Variants in OSR1 observed in about 807,000 individuals in gnomAD.
OSR1 encodes the protein odd-skipped related transcription factor 1, also known as protein odd-skipped-related 1.
Under a neutral mutation model 15.7 loss-of-function variants are expected in OSR1, and 3 were observed. The observed-to-expected ratio is 0.19, with a 90% confidence interval of 0.09 to 0.50. The LOEUF (loss-of-function observed/expected upper bound fraction) is 0.50, where lower values mean the gene tolerates loss of function less well. OSR1 is among the 20% of genes least tolerant of loss of function. The probability of loss-of-function intolerance (pLI) is 0.97; values close to 1 mark genes in which losing one functional copy is unlikely to be tolerated. For synonymous variants in OSR1, 166 were observed against 152.7 expected (o/e 1.09, Z -0.64); for missense variants, 271 against 351.1 (o/e 0.77, Z 1.82).
At position 19,352,077 on chromosome 2, in the gene OSR1, G is replaced by A; in HGVS notation, c.*198C>T. On this transcript the variant is annotated 3_prime_UTR_variant, in exon 3 of 3. Transcript: ENST00000272223. ...CCAAGAGTTTAGCCGCGTCCTAGGG[G>A]AGCAGCAGGGACGGTCGGGGTCGCG... The A allele has an allele frequency of 3.9e-6, 2 of 515,396 alleles. No individual in the cohort carries two copies. The highest frequency in any genetic ancestry group is 3.1e-5 in the East Asian group (1 of 32,424). 31.9% of individuals were successfully genotyped at this position (515,396 alleles called of 1,614,324 possible). A position where few individuals can be genotyped will look rare whatever the true frequency, so the allele number is the denominator to read the frequency against.
At position 19,358,485 on chromosome 2, in the gene OSR1, C is replaced by G. The variant is rs1224394318; in HGVS notation, c.-177G>C. On this transcript the variant is annotated 5_prime_UTR_variant, in exon 1 of 3. Transcript: ENST00000272223. ...CTCCTGCCGCGGGGACTCCAAGCGCCGGACACGCGGGAGCGAGCGCTCAGC... is the reference window on the plus strand; with the variant it reads ...CTCCTGCCGCGGGGACTCCAAGCGCGGGACACGCGGGAGCGAGCGCTCAGC... The G allele has an allele frequency of 2.6e-5, 4 of 152,272 alleles. No individual in the cohort carries two copies. Among genetic ancestry groups the G allele is most frequent in the South Asian group, 2.1e-4 (1 of 4,834 alleles). The allele number at this position is 152,272 out of a possible 1,614,324, so 9.4% of individuals were successfully genotyped here. A position where few individuals can be genotyped will look rare whatever the true frequency, so the allele number is the denominator to read the frequency against.
chr2:19,349,496 ATC>A (rs1329227014), downstream of OSR1, among the ~76,000 whole-genome samples: 1 of 152,144 alleles, frequency 6.6e-6, no homozygotes, highest in Non-Finnish European at 1.5e-5. Context: ...TGCACTGGAA[ATC>A]TGTTATTTTG....
Position 19,353,136 on chromosome 2 carries a change from C to G in OSR1, c.665+5G>C. ...CTCTCTCTTGCGCCACCCGCAGTGC[C>G]GCACCTGTGGTCTCGCAGGTGGTCT... On this transcript the variant is annotated splice_donor_5th_base_variant and intron_variant, in intron 2 of 2. Transcript: ENST00000272223. 6.2e-7 allele frequency: 1 copy of G among 1,612,440 alleles called. No homozygotes were observed. Among genetic ancestry groups the G allele is most frequent in the Non-Finnish European group, 8.5e-7 (1 of 1,178,634 alleles).
chr2:19,353,118 T>C, intron 2 of OSR1, 23 bp downstream of exon 2: 2 of 1,610,630 alleles, frequency 1.2e-6, no homozygotes, highest in Non-Finnish European at 1.7e-6. Flanking sequence ...GAGCTCTCTC[T>C]TGCGCCACCC....
intron 1 of OSR1, 91 bp from the exon 2 acceptor site, chr2:19,353,928 C>G (rs1234403812): frequency 1.6e-5 from 17 of 1,039,308 alleles, no homozygotes; most frequent in South Asian, 9.8e-5. Context: ...CGAGCCACAC[C>G]CTCTCCTCAC....
downstream of OSR1, among the ~76,000 whole-genome samples, chr2:19,347,437 C>T (rs1174809047): frequency 1.3e-5 from 2 of 152,214 alleles, no homozygotes; most frequent in African/African-American, 4.8e-5. Flanking sequence ...TTGTGCTTGT[C>T]AGAAAAACCT....
chr2:19,353,400 G>T lies in OSR1; in HGVS notation c.406C>A (p.Arg136Ser). 2 of 1,614,106 alleles carry T rather than the reference G, an allele frequency of 1.2e-6. No individual in the cohort carries two copies. Among genetic ancestry groups the T allele is most frequent in the African/African-American group, 1.3e-5 (1 of 75,038 alleles). ...GCAGGGGAGCCTGGGCCCTCCCCGC[G>T]ACCGAGCTTGGCCGGATCTTCTTGC... Reference protein sequence around the residue: ...ATQEDPAKLGRGEGPGSPAGG... With the variant: ...ATQEDPAKLGSGEGPGSPAGG... Residue 136 changes from arginine (R) to serine (S), a missense_variant, in exon 2 of 3, where the codon CGC becomes AGC. Arg to Ser is a moderately radical substitution (Grantham distance 110, BLOSUM62 -1). Around this residue, in one of 4 missense-constraint regions of OSR1, gnomAD observed 210 missense variants for 218.4 expected, o/e 0.96. Transcript: ENST00000272223.
downstream of OSR1, among the ~76,000 whole-genome samples, chr2:19,348,119 G>T (rs541502145): frequency 6.6e-6 from 1 of 152,100 alleles, no homozygotes; most frequent in Non-Finnish European, 1.5e-5. Context: ...GCGCAGAAGT[G>T]GGTGGGATGA....
At chr2:19,349,525 A>G (rs571990455), downstream of OSR1, among the ~76,000 whole-genome samples, 23 of 152,314 alleles carry the variant, frequency 1.5e-4, no homozygotes, top group African/African-American at 4.1e-4. Context: ...CACACTTGAT[A>G]CTGACATTCA....
At chr2:19,347,095 T>C (rs1227472931), downstream of OSR1, among the ~76,000 whole-genome samples, 3 of 152,216 alleles carry the variant, frequency 2.0e-5, no homozygotes, top group African/African-American at 4.8e-5. Context: ...AGTGATATTC[T>C]TCCTCTCTCA....
Position 19,352,099 on chromosome 2 carries a change from C to G in OSR1, c.*176G>C, listed in dbSNP as rs1390418049. 1.6e-6 allele frequency: 1 copy of G among 617,338 alleles called. No individual in the cohort carries two copies. Among genetic ancestry groups the G allele is most frequent in the East Asian group, 3.0e-5 (1 of 33,484 alleles). The allele number at this position is 617,338 out of a possible 1,614,324, so 38.2% of individuals were successfully genotyped here. A position where few individuals can be genotyped will look rare whatever the true frequency, so the allele number is the denominator to read the frequency against. ...GGGGAGCAGCAGGGACGGTCGGGGTCGCGGCCCCGGGCGGGGCTCTGAAGT... is the reference window on the plus strand; with the variant it reads ...GGGGAGCAGCAGGGACGGTCGGGGTGGCGGCCCCGGGCGGGGCTCTGAAGT... On this transcript the variant is annotated 3_prime_UTR_variant, in exon 3 of 3. Coordinates refer to ENST00000272223, the MANE Select transcript of OSR1 (RefSeq NM_145260.3).
chr2:19,347,906 G>C (rs2103355805), downstream of OSR1, among the ~76,000 whole-genome samples: 1 of 152,350 alleles, frequency 6.6e-6, no homozygotes, highest in East Asian at 1.9e-4. Context: ...CCAACGGCTG[G>C]ATGCGCCCGC....
In OSR1 at chr2:19,355,947, T is replaced by C. The variant is rs556070896; in HGVS notation, c.-32-2110A>G. 3.3e-5 allele frequency: 5 copies of C among 152,404 alleles called. No individual in the cohort carries two copies. In the East Asian group the frequency reaches 5.8e-4, roughly 18 times the overall value. 9.4% of individuals were successfully genotyped at this position (152,404 alleles called of 1,614,324 possible). On this transcript the variant is annotated intron_variant, in intron 1 of 2. Coordinates refer to ENST00000272223, the MANE Select transcript of OSR1 (RefSeq NM_145260.3). Reference sequence around the variant, plus strand: ...GCCTGTCTAACTTCAAAGGTCGGCCTGGACTTAGGAGGGATGAGCGCTCTT... The same window carrying C: ...GCCTGTCTAACTTCAAAGGTCGGCCCGGACTTAGGAGGGATGAGCGCTCTT...
At chr2:19,351,220 C>T (rs45465297), downstream of OSR1, among the ~76,000 whole-genome samples, 1,606 of 152,276 alleles carry the variant, frequency 0.011, 12 homozygotes, top group Non-Finnish European at 0.015. Context: ...TTCGTAAACT[C>T]ACAGCACTTT....
chr2:19,348,506 A>C (rs1664779306), downstream of OSR1: 2 of 154,000 alleles, frequency 1.3e-5, no homozygotes, highest in South Asian at 4.1e-4. Flanking sequence ...GCGCTCTGAG[A>C]GGTGGGACGG....
chr2:19,351,262 T>C (rs909009667), downstream of OSR1, among the ~76,000 whole-genome samples: 1 of 152,004 alleles, frequency 6.6e-6, no homozygotes, highest in African/African-American at 2.4e-5. Flanking sequence ...TGAGACCCTA[T>C]CCCTGAGGCG....
At chr2:19,348,164 G>A (rs1361840280), downstream of OSR1, among the ~76,000 whole-genome samples, 1 of 152,096 alleles carries the variant, frequency 6.6e-6, no homozygotes, top group Non-Finnish European at 1.5e-5. Flanking sequence ...GAAACCCCGC[G>A]GGCAGGGAGA....
chr2:19,348,849 T>C (rs1389222092), downstream of OSR1, among the ~76,000 whole-genome samples: 3 of 152,194 alleles, frequency 2.0e-5, no homozygotes, highest in Non-Finnish European at 4.4e-5. Context: ...GCCCAGGGTC[T>C]CTGGCACCTT....
In OSR1 at chr2:19,352,280, AT is replaced by A. The variant is rs752099506; in HGVS notation, c.795del (p.Lys265AsnfsTer4). On this transcript the variant is annotated frameshift_variant, in exon 3 of 3. Transcript: ENST00000272223. LOFTEE classifies it high-confidence loss of function. Reference protein sequence around the residue: ...QVKELKTSKIKC With the variant: ...QVKELKTSKIXC ...TTGTGACCCACAGGTTCTATTTAGC[AT>A]TTGATCTTGGAGGTTTTGAGCTCCT... The A allele has an allele frequency of 3.1e-6, 5 of 1,614,064 alleles. No individual in the cohort carries two copies. Among genetic ancestry groups the A allele is most frequent in the Admixed American group, 1.7e-5 (1 of 60,014 alleles).
Sources: allele counts gnomAD v4.1 joint callset (sites outside exome capture counted in the v4.1 genomes callset), GRCh38; gene constraint gnomAD v4.1.1; regional missense constraint gnomAD v4.1.1; transcripts MANE v1.5; gene names NCBI Gene and HGNC (gene_info 2026-07-23, HGNC 2026-07-21).